The following ATP8A2 variants were observed in gnomAD, a reference collection of about 807,000 sequenced individuals.
ATP8A2 encodes the protein phospholipid-transporting ATPase IB.
ATP8A2 carries 100 observed loss-of-function variants against 165.6 expected under a neutral mutation model. The ratio of observed to expected loss-of-function variants is 0.60; its 90% confidence interval spans 0.51 to 0.71. The LOEUF (loss-of-function observed/expected upper bound fraction) is 0.71. Ranked by LOEUF, ATP8A2 falls within the 30% of genes least tolerant of loss-of-function variation. The pLI is 0.00. For missense variants in ATP8A2, 1,227 were observed against 1,479.5 expected (o/e 0.83, Z 2.80); for synonymous variants, 543 against 548.8 (o/e 0.99, Z 0.15).
At chr13:25,836,358 G>A (rs967796936) in intron 28 of ATP8A2, among the ~76,000 whole-genome samples, 10 of 152,178 alleles carry the variant, frequency 6.6e-5, no homozygotes, top group African/African-American at 2.4e-4. Context: ...CCTCCAAACA[G>A]GCATGCTGAT....
At chr13:25,886,277 G>T (rs1287451866) in intron 33 of ATP8A2, among the ~76,000 whole-genome samples, 2 of 152,164 alleles carry the variant, frequency 1.3e-5, no homozygotes, top group African/African-American at 4.8e-5. Context: ...TCGGGGTGGT[G>T]ATGGTGGAAT....
At chr13:25,443,074 T>G (rs1448034286) in intron 1 of ATP8A2, among the ~76,000 whole-genome samples, 1 of 152,250 alleles carries the variant, frequency 6.6e-6, no homozygotes, top group Non-Finnish European at 1.5e-5. Flanking sequence ...CTATTTTTCT[T>G]TTGTTGACTG....
At chr13:25,564,136 A>G in intron 16 of ATP8A2, 105 bp downstream of exon 16, 2 of 798,700 alleles carry the variant, frequency 2.5e-6, no homozygotes, top group African/African-American at 1.7e-5. Context: ...AGCATGGGAA[A>G]AGTCTCGACT....
At chr13:25,542,648 A>G (rs2038519067) in intron 9 of ATP8A2, among the ~76,000 whole-genome samples, 3 of 152,092 alleles carry the variant, frequency 2.0e-5, no homozygotes, top group South Asian at 4.1e-4. Flanking sequence ...GCCTCTTGCA[A>G]TGTCCTTTAT....
intron 24 of ATP8A2, among the ~76,000 whole-genome samples, chr13:25,660,231 A>G (rs1181127674): frequency 6.6e-6 from 1 of 152,156 alleles, no homozygotes; most frequent in Non-Finnish European, 1.5e-5. Flanking sequence ...TTCTTCCTTA[A>G]AGTGAGAAAG....
chr13:25,704,520 G>A (rs1332337938), intron 25 of ATP8A2, among the ~76,000 whole-genome samples: 1 of 151,896 alleles, frequency 6.6e-6, no homozygotes, highest in African/African-American at 2.4e-5. Flanking sequence ...TTTTTTTATA[G>A]AGATGGAGGC....
intron 25 of ATP8A2, among the ~76,000 whole-genome samples, chr13:25,761,160 T>A (rs558935697): frequency 2.0e-5 from 3 of 152,312 alleles, no homozygotes; most frequent in Non-Finnish European, 2.9e-5. Context: ...GTGGATGTTA[T>A]CAAAACATAC....
chr13:25,711,550 T>A (rs2043158867), intron 25 of ATP8A2, among the ~76,000 whole-genome samples: 1 of 145,972 alleles, frequency 6.9e-6, no homozygotes, highest in Non-Finnish European at 1.5e-5. Context: ...TCTCTATATT[T>A]AAAAAAAAAA....
Position 25,523,044 on chromosome 13 carries a change from G to A in ATP8A2, c.222-6955G>A, listed in dbSNP as rs972997669. 3.4e-4 allele frequency among the ~76,000 whole-genome samples: 51 copies of A among 151,844 alleles called. 1 individual carries two copies. Among genetic ancestry groups the A allele is most frequent in the Admixed American group, 5.2e-4 (8 of 15,266 alleles). On this transcript the variant is annotated intron_variant, in intron 2 of 36. Transcript: ENST00000381655. ...GGAGGCTGAGGCTACCTTGAACCCA[G>A]GAGGCACAGGTTGTGGTGAGCTGAG... is the stretch of plus-strand genomic sequence containing the variant.
chr13:25,880,859 C>T (rs1566232000), intron 33 of ATP8A2: 1 of 451,428 alleles, frequency 2.2e-6, no homozygotes, highest in East Asian at 7.0e-5. Context: ...GCTCATTTTA[C>T]CAGTTTCTTG....
At chr13:25,886,960 G>C (rs1953179376) in intron 33 of ATP8A2, among the ~76,000 whole-genome samples, 1 of 152,188 alleles carries the variant, frequency 6.6e-6, no homozygotes, top group Non-Finnish European at 1.5e-5. Flanking sequence ...AGCTGACCCA[G>C]AACACTTTTC....
chr13:25,683,204 C>T (rs1414034905), intron 24 of ATP8A2, among the ~76,000 whole-genome samples: 3 of 152,146 alleles, frequency 2.0e-5, no homozygotes, highest in African/African-American at 7.2e-5. Flanking sequence ...AGGGGCCTCA[C>T]GTTAGCACAT....
At chr13:25,859,711 A>G (rs9578932) in intron 30 of ATP8A2, among the ~76,000 whole-genome samples, 2,065 of 152,086 alleles carry the variant, frequency 0.014, 55 homozygotes, top group African/African-American at 0.045. Context: ...AGTAATAAAT[A>G]CCCCCAAAAT....
chr13:25,419,781 G>C (rs2034245604), intron 1 of ATP8A2, among the ~76,000 whole-genome samples: 1 of 152,166 alleles, frequency 6.6e-6, no homozygotes. Context: ...GCAAGTGTGA[G>C]AGTGAAATAT....
chr13:25,663,624 A>G (rs1336714427), intron 24 of ATP8A2, among the ~76,000 whole-genome samples: 1 of 152,172 alleles, frequency 6.6e-6, no homozygotes, highest in African/African-American at 2.4e-5. Context: ...TTTCTGAACT[A>G]GAATTCTCTT....
chr13:25,733,490 T>A (rs1194131711), intron 25 of ATP8A2, among the ~76,000 whole-genome samples: 2 of 150,712 alleles, frequency 1.3e-5, no homozygotes, highest in African/African-American at 2.4e-5. Flanking sequence ...TTTTGCAAGG[T>A]CCAATAGGCC....
At chr13:25,681,026 G>A (rs2137805820) in intron 24 of ATP8A2, among the ~76,000 whole-genome samples, 1 of 152,320 alleles carries the variant, frequency 6.6e-6, no homozygotes, top group African/African-American at 2.4e-5. Flanking sequence ...TCTGAAGAGA[G>A]GGAAACAATT....
chr13:25,444,294 C>G (rs2035012729), intron 1 of ATP8A2, among the ~76,000 whole-genome samples: 1 of 152,164 alleles, frequency 6.6e-6, no homozygotes, highest in South Asian at 2.1e-4. Flanking sequence ...TTATCCATTT[C>G]CCTGCTGATG....
At chr13:25,950,224 C>T (rs1197448701) in intron 33 of ATP8A2, among the ~76,000 whole-genome samples, 2 of 152,138 alleles carry the variant, frequency 1.3e-5, no homozygotes, top group Non-Finnish European at 2.9e-5. Flanking sequence ...CACGTCACGA[C>T]CTGTGGAGAA....
Sources: allele counts gnomAD v4.1 joint callset (sites outside exome capture counted in the v4.1 genomes callset), GRCh38; gene constraint gnomAD v4.1.1; transcripts MANE v1.5; gene names NCBI Gene and HGNC (gene_info 2026-07-23, HGNC 2026-07-21).